CDH5: variants seen among roughly 807,000 people sequenced by gnomAD.
CDH5 encodes cadherin-5.
Under a neutral mutation model 62.0 loss-of-function variants are expected in CDH5, and 28 were observed. The observed-to-expected ratio is 0.45, with a 90% CI of 0.33 to 0.62. The LOEUF is 0.62. Among genes scored for constraint, CDH5 ranks in the 20% least tolerant of loss-of-function variants. The pLI is 0.02. For missense variants in CDH5, 940 were observed against 1,065.1 expected, an observed-to-expected ratio of 0.88 and a Z score of 1.63; for synonymous variants, 464 against 445.8, an observed-to-expected ratio of 1.04 and a Z score of -0.52.
At chr16:66,393,544 G>T (rs894797665) in intron 7 of CDH5, among the ~76,000 whole-genome samples, 3 of 152,096 alleles carry the variant, frequency 2.0e-5, no homozygotes, top group African/African-American at 7.2e-5. Context: ...AGAACCTAGG[G>T]GATGGAGCTA....
intron 11 of CDH5, 131 bp from the exon 12 acceptor site, chr16:66,402,521 G>A (rs1443308220): frequency 1.1e-5 from 8 of 736,648 alleles, no homozygotes; most frequent in South Asian, 1.9e-5. Context: ...CAGGGGAAGG[G>A]GGGGCCAAAG....
intron 2 of CDH5, 86 bp from the exon 3 acceptor site, chr16:66,386,723 A>C (rs1960989535): frequency 8.4e-7 from 1 of 1,196,834 alleles, no homozygotes; most frequent in Non-Finnish European, 1.2e-6. Flanking sequence ...ATGCACAGGC[A>C]CACCTGTGTA....
Position 66,379,527 on chromosome 16 carries a change from C to A in CDH5, c.190C>A (p.Leu64Ile). 1 of 1,614,220 alleles carries A rather than the reference C, an allele frequency of 6.2e-7. No homozygotes were observed. Among genetic ancestry groups the A allele is most frequent in the Non-Finnish European group, 8.5e-7 (1 of 1,180,014 alleles). Residue 64 changes from leucine to isoleucine, a missense_variant, in exon 2 of 12, where the codon CTT becomes ATT. Leu to Ile is a conservative substitution (Grantham distance 5). Transcript: ENST00000341529. ...CATTGATGAAGAGAAAAACACCTCACTTCCCCATCATGTAGGCAAGGTAAG... is the reference window on the plus strand; with the variant it reads ...CATTGATGAAGAGAAAAACACCTCAATTCCCCATCATGTAGGCAAGGTAAG... ...MHIDEEKNTSLPHHVGKIKSS... is the reference protein window; with the variant it reads ...MHIDEEKNTSIPHHVGKIKSS...
chr16:66,400,544 A>G (rs1961261458), intron 10 of CDH5, among the ~76,000 whole-genome samples: 2 of 152,196 alleles, frequency 1.3e-5, no homozygotes, highest in Admixed American at 1.3e-4. Context: ...TTCTTTCACC[A>G]AGGCATCCTT....
At position 66,377,729 on chromosome 16, in the gene CDH5, G is replaced by A. The variant is rs548273553; in HGVS notation, c.-19-1590G>A. The A allele has an allele frequency of 9.2e-5, 14 of 152,358 alleles. No individual in the cohort carries two copies. In the East Asian group the frequency reaches 2.7e-3, roughly 29 times the overall value. The allele number at this position is 152,358 out of a possible 1,614,324, so 9.4% of individuals were successfully genotyped here. ...CTCTACATCATCCCAGGAGTTGCAG[G>A]TCAGTAACACAGGGACCCCAGAGGG... On this transcript the variant is annotated intron_variant, in intron 1 of 11. Coordinates refer to ENST00000341529, the MANE Select transcript of CDH5 (RefSeq NM_001795.5).
At chr16:66,379,913 ATAAAGGGGTAGGTGT>A (rs1960860921) in intron 2 of CDH5, among the ~76,000 whole-genome samples, 2 of 137,716 alleles carry the variant, frequency 1.5e-5, no homozygotes, top group African/African-American at 5.5e-5. Flanking sequence ...GGTGGTGATG[ATAAAGGGGTAGGTGT>A]TGGTGGTGAT....
intron 2 of CDH5, among the ~76,000 whole-genome samples, chr16:66,384,897 C>T (rs1347130652): frequency 4.6e-5 from 7 of 152,078 alleles, no homozygotes; most frequent in African/African-American, 9.7e-5. Context: ...ACCCAGGAGG[C>T]GGAGGTTGCA....
chr16:66,390,154 T>C (rs1204959293), intron 5 of CDH5, among the ~76,000 whole-genome samples: 1 of 152,216 alleles, frequency 6.6e-6, no homozygotes, highest in Non-Finnish European at 1.5e-5. Flanking sequence ...TGTCCATTGA[T>C]AGGTCCCCTA....
Position 66,403,438 on chromosome 16 carries a change from C to T in CDH5, c.*269C>T. On this transcript the variant is annotated 3_prime_UTR_variant, in exon 12 of 12. Coordinates refer to ENST00000341529, the MANE Select transcript of CDH5 (RefSeq NM_001795.5). This position sits in a 1 kb window ranked among gnomAD's most constrained non-coding sequence, Gnocchi z 4.3. The stretch of plus-strand genomic sequence containing the variant: ...TCAGACATCCACATAACCCTGTCAC[C>T]CACAGACCGCCGTCTAACTCAAAGA... 8.2e-6 allele frequency: 4 copies of T among 487,558 alleles called. No individual in the cohort carries two copies. In the South Asian group the frequency reaches 9.7e-5, roughly 12 times the overall value. 30.2% of individuals were successfully genotyped at this position (487,558 alleles called of 1,614,324 possible). A position where few individuals can be genotyped will look rare whatever the true frequency, so the allele number is the denominator to read the frequency against.
chr16:66,380,745 A>G (rs78933628), intron 2 of CDH5, among the ~76,000 whole-genome samples: 23,694 of 149,654 alleles, frequency 0.16, 2,120 homozygotes, highest in East Asian at 0.28. Context: ...GTGATGGTAA[A>G]GGGGAAGGTG....
intron 6 of CDH5, among the ~76,000 whole-genome samples, chr16:66,390,878 G>C (rs1306280056): frequency 6.6e-6 from 1 of 152,232 alleles, no homozygotes; most frequent in Non-Finnish European, 1.5e-5. Context: ...CCCAGAGTTG[G>C]AGAAGCTGAG....
At chr16:66,390,176 G>C (rs1230633732) in intron 5 of CDH5, among the ~76,000 whole-genome samples, 2 of 152,188 alleles carry the variant, frequency 1.3e-5, no homozygotes, top group Non-Finnish European at 2.9e-5. Flanking sequence ...CAAAGTGCCT[G>C]GCATACAATA....
chr16:66,376,253 A>G (rs1960785035), intron 1 of CDH5: 1 of 152,184 alleles, frequency 6.6e-6, no homozygotes, highest in South Asian at 2.1e-4. Context: ...CAATGGCTGC[A>G]ATGTTACTAG....
chr16:66,401,088 G>C (rs1297507707), intron 11 of CDH5, 72 bp downstream of exon 11: 17 of 1,597,926 alleles, frequency 1.1e-5, no homozygotes, highest in South Asian at 5.6e-5. Context: ...AGGCGGGGAG[G>C]CTTCACAGGA....
At chr16:66,378,128 G>C (rs1399823374) in intron 1 of CDH5, among the ~76,000 whole-genome samples, 1 of 152,214 alleles carries the variant, frequency 6.6e-6, no homozygotes, top group Non-Finnish European at 1.5e-5. Flanking sequence ...TGGAGTGAAG[G>C]GCTGGCCCTC....
In CDH5 at chr16:66,402,986, CT is replaced by C; in HGVS notation, c.2173del (p.Tyr725ThrfsTer15). The C allele has an allele frequency of 6.2e-7, 1 of 1,613,364 alleles. No homozygotes were observed. The highest frequency in any genetic ancestry group is 8.5e-7 in the Non-Finnish European group (1 of 1,179,862). On this transcript the variant is annotated frameshift_variant, in exon 12 of 12. Transcript: ENST00000341529. LOFTEE classifies it high-confidence loss of function. ...CGGACCACGACGGCGACGGCCCCCC[CT>C]ACGACACGCTGCACATCTACGGCTA... ...EADHDGDGPPYDTLHIYGYEG... is the reference protein window; with the variant it reads ...EADHDGDGPPXDTLHIYGYEG...
rs1361501005 is a variant in CDH5, at chr16:66,402,960, G to A, written c.2146G>A (p.Ala716Thr). Residue 716 changes from alanine to threonine, a missense_variant, in exon 12 of 12, where the codon GCG (alanine) becomes ACG (threonine). By Grantham distance (58) the Ala-to-Thr change is moderately conservative (BLOSUM62 0). Transcript: ENST00000341529. ...AAMIEVKKDE[A>T]DHDGDGPPYD... ...CATGATCGAGGTGAAGAAGGACGAG[G>A]CGGACCACGACGGCGACGGCCCCCC... 1.9e-6 allele frequency: 3 copies of A among 1,612,734 alleles called. No individual in the cohort carries two copies. In the African/African-American group the frequency reaches 4.0e-5, roughly 22 times the overall value.
intron 9 of CDH5, 138 bp downstream of exon 9, chr16:66,398,244 G>A (rs1009195091): frequency 9.2e-7 from 1 of 1,087,766 alleles, no homozygotes; most frequent in African/African-American, 1.5e-5. Context: ...TTTTACAGAT[G>A]GAGAAACTGA....
intron 7 of CDH5, among the ~76,000 whole-genome samples, chr16:66,394,913 C>T (rs887254509): frequency 1.3e-5 from 2 of 150,296 alleles, no homozygotes; most frequent in Admixed American, 6.7e-5. Context: ...TGCAGTGGCA[C>T]AACCATAGCT....
Sources: allele counts gnomAD v4.1 joint callset (sites outside exome capture counted in the v4.1 genomes callset), GRCh38; gene constraint gnomAD v4.1.1; non-coding constraint Gnocchi (gnomAD v3.1); transcripts MANE v1.5; gene names NCBI Gene and HGNC (gene_info 2026-07-23, HGNC 2026-07-21).